Variants in MSI2 observed in about 807,000 individuals in gnomAD.
MSI2 encodes RNA-binding protein Musashi homolog 2.
MSI2 carries 17 observed loss-of-function variants against 45.6 expected under a neutral mutation model. The observed-to-expected ratio is 0.37, with a 90% CI of 0.26 to 0.56. The LOEUF is 0.56. Ranked by LOEUF, MSI2 falls within the 20% of genes least tolerant of loss-of-function variation. The pLI is 0.77. For missense variants in MSI2, 293 were observed against 444.2 expected (o/e 0.66, Z 3.06); for synonymous variants, 156 against 158.2 (o/e 0.99, Z 0.11).
rs897401046 is a variant in MSI2 at position 57,680,867 on chromosome 17, C to G, written c.*1350C>G. ...TCCAAAGGTCCCTAGGACACTTTGC[C>G]TCTCTTCTCCCCCTGCCCCCCACCC... On this transcript the variant is annotated 3_prime_UTR_variant, in exon 14 of 14. Transcript: ENST00000284073. 9.7e-6 allele frequency: 2 copies of G among 205,484 alleles called. No individual in the cohort carries two copies. Among genetic ancestry groups the G allele is most frequent in the African/African-American group, 2.3e-5 (1 of 43,704 alleles). The allele number at this position is 205,484 out of a possible 1,614,324, so 12.7% of individuals were successfully genotyped here. A position where few individuals can be genotyped will look rare whatever the true frequency, so the allele number is the denominator to read the frequency against.
Position 57,627,534 on chromosome 17 carries a change from A to C in MSI2, c.727+231A>C. ...CGGGTATTTGAGAACGGCAGCTTTT[A>C]AAGGGAAAGCAGAACGGAGGCAGGA... On this transcript the variant is annotated intron_variant, in intron 10 of 13. Transcript: ENST00000284073. The surrounding 1 kb of genome is among the most constrained non-coding windows in gnomAD (Gnocchi z 4.6). 1.7e-6 allele frequency: 1 copy of C among 576,402 alleles called. No individual in the cohort carries two copies. The allele number at this position is 576,402 out of a possible 1,614,324, so 35.7% of individuals were successfully genotyped here.
chr17:57,669,959 T>A (rs1216159470), intron 11 of MSI2, among the ~76,000 whole-genome samples: 1 of 152,226 alleles, frequency 6.6e-6, no homozygotes. Flanking sequence ...TGAAATTGTC[T>A]TGAGGGCTGG....
intron 10 of MSI2, among the ~76,000 whole-genome samples, chr17:57,637,131 G>A (rs8077913): frequency 0.4 from 60,981 of 151,962 alleles, 12,842 homozygotes; most frequent in Non-Finnish European, 0.46. Flanking sequence ...AATCACAAGC[G>A]AGCTCCCTCA....
At position 57,258,192 on chromosome 17, in the gene MSI2, C is replaced by G. The variant is rs540374661; in HGVS notation, c.186-78C>G. 443 of 1,295,882 alleles carry G rather than the reference C, an allele frequency of 3.4e-4. No homozygotes were observed. In the African/African-American group the frequency reaches 5.9e-3, roughly 17 times the overall value. 80.3% of individuals were successfully genotyped at this position (1,295,882 alleles called of 1,614,324 possible). ...GGGGCAACTTTTGCTCCTCATTCAG[C>G]CTTAGGTCTCACTCCTGGTTGCTTT... On this transcript the variant is annotated intron_variant, in intron 3 of 13. Coordinates refer to ENST00000284073, the MANE Select transcript of MSI2 (RefSeq NM_138962.4).
chr17:57,395,978 T>C (rs569741226), intron 5 of MSI2, among the ~76,000 whole-genome samples: 4 of 152,212 alleles, frequency 2.6e-5, no homozygotes, highest in African/African-American at 9.6e-5. Context: ...TACCCAGTGC[T>C]AGCATTTTAA....
chr17:57,661,400 G>T (rs1911980793), intron 11 of MSI2, among the ~76,000 whole-genome samples: 1 of 152,208 alleles, frequency 6.6e-6, no homozygotes, highest in South Asian at 2.1e-4. Context: ...TGGGCTTGAA[G>T]AGATAGAGAC....
chr17:57,616,262 GGTGT>G, intron 9 of MSI2, 178 bp downstream of exon 9: 1 of 557,902 alleles, frequency 1.8e-6, no homozygotes, highest in Non-Finnish European at 3.2e-6. Flanking sequence ...ATTAAGTGTG[GGTGT>G]GTGTGTGTGC....
chr17:57,338,648 C>T (rs1037757776), intron 5 of MSI2, among the ~76,000 whole-genome samples: 1 of 152,130 alleles, frequency 6.6e-6, no homozygotes, highest in African/African-American at 2.4e-5. Flanking sequence ...TTCACTGACC[C>T]GGGGAGCTGT....
chr17:57,698,069 A>G, the MSI2 span, among the ~76,000 whole-genome samples: 1 of 152,160 alleles, frequency 6.6e-6, no homozygotes, highest in African/African-American at 2.4e-5. Context: ...ACTCTCCCAC[A>G]GACACCCTCT....
intron 8 of MSI2, among the ~76,000 whole-genome samples, chr17:57,599,480 A>G (rs1399237790): frequency 2.6e-5 from 4 of 152,224 alleles, no homozygotes; most frequent in African/African-American, 9.6e-5. Context: ...GCTTGAAGCC[A>G]GAGAGATTTG....
At chr17:57,623,926 C>A (rs905344298) in intron 9 of MSI2, among the ~76,000 whole-genome samples, 1 of 152,158 alleles carries the variant, frequency 6.6e-6, no homozygotes, top group Non-Finnish European at 1.5e-5. Context: ...GGATGTTCGG[C>A]GATTGGGGGT....
chr17:57,370,280 T>C (rs1335030065), intron 5 of MSI2, among the ~76,000 whole-genome samples: 2 of 152,222 alleles, frequency 1.3e-5, no homozygotes, highest in African/African-American at 4.8e-5. Context: ...CTTAAACATT[T>C]AGGCAGAACC....
rs1311768047 is a variant in MSI2 at position 57,273,480 on chromosome 17, TTC to T, written c.312+11290_312+11291del. 5.6e-3 allele frequency among the ~76,000 whole-genome samples: 785 copies of T among 140,114 alleles called. 20 individuals are homozygous for T. Among genetic ancestry groups the T allele is most frequent in the African/African-American group, 0.017 (648 of 37,502 alleles). 91.9% of individuals were successfully genotyped at this position (140,114 alleles called of 152,430 possible). A position where few individuals can be genotyped will look rare whatever the true frequency, so the allele number is the denominator to read the frequency against. On this transcript the variant is annotated intron_variant, in intron 5 of 13. Transcript: ENST00000284073. The stretch of plus-strand genomic sequence containing the variant: ...TTAAAAATGATTTTTTTTTTTTTTT[TTC>T]TTTTACTGGATTCACACAACTGCAG...
intron 5 of MSI2, among the ~76,000 whole-genome samples, chr17:57,324,259 C>T (rs548561116): frequency 2.0e-4 from 31 of 152,308 alleles, no homozygotes; most frequent in Admixed American, 1.9e-3. Flanking sequence ...AGCGCCCCGC[C>T]GGAGCCCACA....
chr17:57,359,267 G>T (rs554091505), intron 5 of MSI2, among the ~76,000 whole-genome samples: 2 of 152,098 alleles, frequency 1.3e-5, no homozygotes, highest in African/African-American at 4.8e-5. Context: ...AACTCAATAT[G>T]GGCATTTTAA....
chr17:57,352,721 T>C (rs868248809), intron 5 of MSI2, among the ~76,000 whole-genome samples: 7 of 152,208 alleles, frequency 4.6e-5, no homozygotes, highest in African/African-American at 1.4e-4. Flanking sequence ...GTTTGTGGTC[T>C]TGAAGGAGCC....
At chr17:57,603,402 C>T (rs575207707) in intron 8 of MSI2, among the ~76,000 whole-genome samples, 3 of 152,352 alleles carry the variant, frequency 2.0e-5, no homozygotes, top group East Asian at 3.9e-4. Flanking sequence ...CCAGGTCCAC[C>T]GCTGGTGATT....
At chr17:57,426,586 T>A (rs2084496441) in intron 6 of MSI2, among the ~76,000 whole-genome samples, 1 of 152,246 alleles carries the variant, frequency 6.6e-6, no homozygotes, top group Admixed American at 6.5e-5. Flanking sequence ...CATTTTAATT[T>A]ATTTTTTTCA....
intron 7 of MSI2, among the ~76,000 whole-genome samples, chr17:57,591,964 G>A (rs1904871493): frequency 6.6e-6 from 1 of 152,022 alleles, no homozygotes; most frequent in South Asian, 2.1e-4. Flanking sequence ...CCTGAGGTCA[G>A]GAGCTCGAGA....
Sources: gnomAD v4.1 joint callset for allele counts (sites outside exome capture counted in the v4.1 genomes callset) on GRCh38, gnomAD v4.1.1 for gene constraint, Gnocchi (gnomAD v3.1) non-coding constraint, MANE v1.5 for transcripts, NCBI Gene and HGNC (gene_info 2026-07-23, HGNC 2026-07-21) for gene names.